The following NEMF variants were observed in gnomAD, a reference collection of about 807,000 sequenced individuals.
NEMF encodes the protein nuclear export mediator factor.
A neutral mutation model predicts 162.2 loss-of-function variants in NEMF; 89 were observed. That is an observed-to-expected ratio of 0.55 (90% confidence interval 0.46 to 0.65). NEMF has a LOEUF of 0.65. Ranked by LOEUF, NEMF falls within the 30% of genes least tolerant of loss-of-function variation. The probability of loss-of-function intolerance (pLI) is 0.00; values close to 1 mark genes in which losing one functional copy is unlikely to be tolerated. For missense variants in NEMF, 1,133 were observed against 1,261.9 expected (o/e 0.90, Z 1.55); for synonymous variants, 421 against 404.5 (o/e 1.04, Z -0.49).
Position 49,782,742 on chromosome 14 carries a change from A to C in NEMF, c.*1894T>G. The C allele has an allele frequency of 6.8e-7, 1 of 1,476,264 alleles. No individual in the cohort carries two copies. The highest frequency in any genetic ancestry group is 9.2e-7 in the Non-Finnish European group (1 of 1,084,080). 91.4% of individuals were successfully genotyped at this position (1,476,264 alleles called of 1,614,324 possible). ...TCCTATGAAAATCTTTGAAGAAAGA[A>C]AGAGGGATGTTTTATGTAGTTTTTC... On this transcript the variant is annotated 3_prime_UTR_variant, in exon 33 of 33. Coordinates refer to ENST00000298310, the MANE Select transcript of NEMF (RefSeq NM_004713.6).
Position 49,783,249 on chromosome 14 carries a change from G to C in NEMF, c.*1387C>G. ...GATATGTATCTGTAGAAACATTATA[G>C]TCTTACCATCATCAAAATGCTGAAG... On this transcript the variant is annotated 3_prime_UTR_variant, in exon 33 of 33. Transcript: ENST00000298310. The C allele has an allele frequency of 4.6e-6, 1 of 215,578 alleles. No homozygotes were observed. Among genetic ancestry groups the C allele is most frequent in the Non-Finnish European group, 9.0e-6 (1 of 110,816 alleles). 13.4% of individuals were successfully genotyped at this position (215,578 alleles called of 1,614,324 possible).
At chr14:49,815,392 C>T (rs1452053256) in intron 16 of NEMF, among the ~76,000 whole-genome samples, 1 of 151,900 alleles carries the variant, frequency 6.6e-6, no homozygotes, top group Non-Finnish European at 1.5e-5. Context: ...TTAATACCTG[C>T]AAGATAAAAA....
chr14:49,832,164 TAACA>T, intron 9 of NEMF, 38 bp from the exon 10 acceptor site: 1 of 1,596,014 alleles, frequency 6.3e-7, no homozygotes, highest in Non-Finnish European at 8.5e-7. Flanking sequence ...TCGAGAACAT[TAACA>T]AACATCCAAA....
chr14:49,819,602 C>T (rs550206859), intron 16 of NEMF, among the ~76,000 whole-genome samples: 3 of 151,786 alleles, frequency 2.0e-5, no homozygotes, highest in Admixed American at 6.6e-5. Context: ...TTTGTAGAGA[C>T]GGGGTTTCGC....
intron 6 of NEMF, among the ~76,000 whole-genome samples, chr14:49,836,598 T>C (rs1041189592): frequency 2.0e-5 from 3 of 150,912 alleles, no homozygotes; most frequent in Non-Finnish European, 4.4e-5. Context: ...GTGAGCAGTG[T>C]TCGTGGCACC....
rs1178959478 is a variant in NEMF, at chr14:49,846,284, A to T, written c.232-19T>A. On this transcript the variant is annotated intron_variant, in intron 3 of 32. Coordinates refer to ENST00000298310, the MANE Select transcript of NEMF (RefSeq NM_004713.6). ...TTCGGCACTAGCAAGAGAAAGAAAA[A>T]GGCATTCATTTAGTAAAAGTGAATT... The T allele has an allele frequency of 1.2e-6, 2 of 1,605,516 alleles. No individual in the cohort carries two copies. Among genetic ancestry groups the T allele is most frequent in the South Asian group, 2.2e-5 (2 of 89,238 alleles).
At chr14:49,823,892 G>A (rs1333091939) in intron 16 of NEMF, among the ~76,000 whole-genome samples, 1 of 152,182 alleles carries the variant, frequency 6.6e-6, no homozygotes, top group Non-Finnish European at 1.5e-5. Context: ...CTATCAGCCA[G>A]GTGTGATGGC....
chr14:49,846,007 T>G (rs1893482150), intron 4 of NEMF, 133 bp downstream of exon 4: 1 of 660,928 alleles, frequency 1.5e-6, no homozygotes, highest in Non-Finnish European at 2.5e-6. Context: ...TTTATTTGTG[T>G]GGCACCCATT....
intron 32 of NEMF, 59 bp from the exon 33 acceptor site, chr14:49,784,772 T>C (rs1343525240): frequency 6.6e-6 from 10 of 1,518,756 alleles, no homozygotes; most frequent in South Asian, 1.2e-5. Flanking sequence ...ATGTTTCTTT[T>C]ATGACAAAAA....
At chr14:49,793,405 G>C (rs867119926) in intron 26 of NEMF, among the ~76,000 whole-genome samples, 1 of 152,176 alleles carries the variant, frequency 6.6e-6, no homozygotes, top group Non-Finnish European at 1.5e-5. Context: ...TAGGTAGGGC[G>C]CAGTGGCTCA....
intron 16 of NEMF, among the ~76,000 whole-genome samples, chr14:49,822,810 G>T (rs555439453): frequency 1.3e-5 from 2 of 152,252 alleles, no homozygotes; most frequent in African/African-American, 4.8e-5. Flanking sequence ...GTGAAGAAAG[G>T]GAGTATGTCT....
intron 3 of NEMF, among the ~76,000 whole-genome samples, chr14:49,850,662 A>G (rs1893726977): frequency 6.6e-6 from 1 of 152,184 alleles, no homozygotes; most frequent in Non-Finnish European, 1.5e-5. Context: ...AGTAAAAACA[A>G]AACAGAAAAA....
At position 49,844,973 on chromosome 14, in the gene NEMF, T is replaced by C. The variant is rs1025941861; in HGVS notation, c.357+1167A>G. The C allele has an allele frequency of 3.9e-4, 75 of 193,200 alleles. 1 individual carries two copies. The highest frequency in any genetic ancestry group is 1.7e-3 in the African/African-American group (72 of 43,208). 12.0% of individuals were successfully genotyped at this position (193,200 alleles called of 1,614,324 possible). A position where few individuals can be genotyped will look rare whatever the true frequency, so the allele number is the denominator to read the frequency against. On this transcript the variant is annotated intron_variant, in intron 4 of 32. Transcript: ENST00000298310. ...TAGTAGAGATGCAGTTTTGCCACAT[T>C]GGGCAGGCTGGTCTCAAACTCCTGA...
intron 26 of NEMF, among the ~76,000 whole-genome samples, chr14:49,791,057 T>C (rs988796058): frequency 4.0e-5 from 6 of 149,612 alleles, no homozygotes; most frequent in Admixed American, 6.6e-5. Context: ...GCCTTCTGGC[T>C]GGGCGCAGTG....
At chr14:49,847,135 C>A (rs957803322) in intron 3 of NEMF, among the ~76,000 whole-genome samples, 1 of 151,364 alleles carries the variant, frequency 6.6e-6, no homozygotes, top group Admixed American at 6.6e-5. Flanking sequence ...CCGCCCACCT[C>A]AGCCTCCCAA....
intron 16 of NEMF, among the ~76,000 whole-genome samples, chr14:49,817,904 T>C (rs755582472): frequency 2.6e-5 from 4 of 152,122 alleles, no homozygotes; most frequent in Non-Finnish European, 5.9e-5. Flanking sequence ...AGGAACACTT[T>C]CCAACTTGTT....
chr14:49,834,532 T>A, intron 6 of NEMF, 83 bp from the exon 7 acceptor site: 1 of 989,062 alleles, frequency 1.0e-6, no homozygotes, highest in Non-Finnish European at 1.6e-6. Context: ...GTTTTACCCG[T>A]CGCCCAGGCC....
In NEMF at chr14:49,782,409, A is replaced by C; in HGVS notation, c.*2227T>G. 1 of 1,612,668 alleles carries C rather than the reference A, an allele frequency of 6.2e-7. No homozygotes were observed. Among genetic ancestry groups the C allele is most frequent in the Non-Finnish European group, 8.5e-7 (1 of 1,178,754 alleles). The stretch of plus-strand genomic sequence containing the variant: ...CTTGTGCCAGCGATGAAGGAGAAGT[A>C]ATTGTTTTTGGTGGATGTGCCAACA... On this transcript the variant is annotated 3_prime_UTR_variant, in exon 33 of 33. Transcript: ENST00000298310.
intron 5 of NEMF, among the ~76,000 whole-genome samples, chr14:49,839,081 A>T (rs10148481): frequency 0.012 from 1,404 of 118,422 alleles, 12 homozygotes; most frequent in African/African-American, 0.023. Flanking sequence ...TTTTTTTTTT[A>T]TTTTTTTTAT....
Sources: gnomAD v4.1 joint callset for allele counts (sites outside exome capture counted in the v4.1 genomes callset) on GRCh38, gnomAD v4.1.1 for gene constraint, MANE v1.5 for transcripts, NCBI Gene and HGNC (gene_info 2026-07-23, HGNC 2026-07-21) for gene names.